The following SPTB variants were observed in gnomAD, a reference collection of about 807,000 sequenced individuals.
SPTB encodes spectrin beta, erythrocytic, also known as spectrin beta chain, erythrocytic.
Under a neutral mutation model 256.2 loss-of-function variants are expected in SPTB, and 45 were observed. That is an observed-to-expected ratio of 0.18 (90% confidence interval 0.14 to 0.23). The LOEUF (loss-of-function observed/expected upper bound fraction) is 0.23. Among genes scored for constraint, SPTB ranks in the 10% least tolerant of loss-of-function variants. The pLI, the probability that SPTB is intolerant of heterozygous loss-of-function variation, is 1.00. For missense variants in SPTB, 2,715 were observed against 3,040.4 expected (o/e 0.89, Z 2.52); for synonymous variants, 1,231 against 1,243.1 (o/e 0.99, Z 0.21).
rs754778995 is a variant in SPTB, at chr14:64,753,672, A to C, written c.6467T>G (p.Leu2156Arg). 6.2e-7 allele frequency: 1 copy of C among 1,613,692 alleles called. No homozygotes were observed. The highest frequency in any genetic ancestry group is 8.5e-7 in the Non-Finnish European group (1 of 1,180,014). The change falls in exon 33 of 36, where the codon CTA (leucine) becomes CGA (arginine). Residue 2156 changes from leucine (L) to arginine (R), a missense_variant. Physicochemically the swap from Leu to Arg is moderately radical, Grantham distance 102. Around this residue, in one of 4 missense-constraint regions of SPTB, gnomAD observed 2,239 missense variants for 2,384.4 expected, o/e 0.94. Coordinates refer to ENST00000644917, the MANE Select transcript of SPTB (RefSeq NM_001355436.2). The part of the protein sequence containing the change: ...RPTTEPLFKV[L>R]DTPLSEGDEP... ...ATCACCCTCGCTCAGAGGCGTATCT[A>C]GGACCTTAAAGAGGGGCTCCGTGGT... is the stretch of plus-strand genomic sequence containing the variant.
intron 2 of SPTB, among the ~76,000 whole-genome samples, chr14:64,814,555 G>A (rs8022259): frequency 0.053 from 8,042 of 152,096 alleles, 771 homozygotes; most frequent in African/African-American, 0.18. Flanking sequence ...TCCCACTGTC[G>A]CTCAGGCTGG....
rs370960231 is a variant in SPTB, at chr14:64,795,574, G to T, written c.1407C>A (p.Thr469=). ...AAKKKHEAIE[T]DTAAYEERVR... is the part of the protein sequence containing the mutation. The stretch of plus-strand genomic sequence containing the variant: ...CCCGCTCCTCGTAGGCAGCCGTGTC[G>T]GTCTCGATGGCCTCATGCTTCTTCT... Residue 469 remains threonine (T), a synonymous_variant, in exon 12 of 36, where the codon ACC becomes ACA. Coordinates refer to ENST00000644917, the MANE Select transcript of SPTB (RefSeq NM_001355436.2). The surrounding 1 kb of genome is among the most constrained non-coding windows in gnomAD (Gnocchi z 6.5). 1 of 1,614,096 alleles carries T rather than the reference G, an allele frequency of 6.2e-7. No individual in the cohort carries two copies.
chr14:64,877,081 AT>A (rs1303913262), intron 1 of SPTB, among the ~76,000 whole-genome samples: 1 of 151,798 alleles, frequency 6.6e-6, no homozygotes, highest in Non-Finnish European at 1.5e-5. Context: ...CCTCTGTCCT[AT>A]CACACTGTCC....
intron 2 of SPTB, among the ~76,000 whole-genome samples, chr14:64,810,629 G>A (rs976897221): frequency 3.3e-5 from 5 of 151,854 alleles, no homozygotes; most frequent in Admixed American, 1.3e-4. Flanking sequence ...GCAGTGAGCC[G>A]AGATCCCACC....
At position 64,841,930 on chromosome 14, in the gene SPTB, G is replaced by C. The variant is rs1425960777; in HGVS notation, c.-51-18785C>G. On this transcript the variant is annotated intron_variant, in intron 1 of 35. Transcript: ENST00000644917. The surrounding 1 kb of genome is among the most constrained non-coding windows in gnomAD (Gnocchi z 4.6). The stretch of plus-strand genomic sequence containing the variant: ...GCGCGGCAAATGTTATCTGGAAGCA[G>C]CCGGGACAAGAGCACCCCCAGTTCT... 6.6e-6 allele frequency among the ~76,000 whole-genome samples: 1 copy of C among 152,216 alleles called. No individual in the cohort carries two copies. The highest frequency in any genetic ancestry group is 2.4e-5 in the African/African-American group (1 of 41,458).
At position 64,787,134 on chromosome 14, in the gene SPTB, G is replaced by T; in HGVS notation, c.2831C>A (p.Ser944Ter). ...TRWQAFQTLVSERREAVDSAL... is the reference protein window; with the variant it reads ...TRWQAFQTLV ...TGAGTCCACAGCCTCCCGCCGCTCC[G>T]ACACCAGGGTCTGAAATGCCTGCCA... The change falls in exon 16 of 36, where the codon TCG (serine) becomes TAG (stop). Residue 944 changes from serine (S) to a stop codon, truncating the protein, a stop_gained. Coordinates refer to ENST00000644917, the MANE Select transcript of SPTB (RefSeq NM_001355436.2). LOFTEE classifies it high-confidence loss of function. 6.2e-7 allele frequency: 1 copy of T among 1,607,272 alleles called. No homozygotes were observed.
At chr14:64,797,198 T>G (rs1468957930) in intron 10 of SPTB, among the ~76,000 whole-genome samples, 1 of 151,784 alleles carries the variant, frequency 6.6e-6, no homozygotes, top group Non-Finnish European at 1.5e-5. Flanking sequence ...GGAGGCTGGG[T>G]GTGATGGCTC....
At chr14:64,842,136 G>T (rs1368971692) in intron 1 of SPTB, among the ~76,000 whole-genome samples, 1 of 152,280 alleles carries the variant, frequency 6.6e-6, no homozygotes, top group Non-Finnish European at 1.5e-5. Flanking sequence ...CCATTTCCAG[G>T]AAGGCGCGTG....
chr14:64,769,416 C>T (rs571293421), intron 28 of SPTB, among the ~76,000 whole-genome samples, 174 bp downstream of exon 28: 11 of 152,314 alleles, frequency 7.2e-5, no homozygotes, highest in South Asian at 2.1e-4. Flanking sequence ...GCAGGGAGTG[C>T]GCTTGCTGGG....
Position 64,759,559 on chromosome 14 carries a change from G to T in SPTB, c.6346-5766C>A, listed in dbSNP as rs1024520427. Among the ~76,000 whole-genome samples, 3 of 152,226 alleles carry T rather than the reference G, an allele frequency of 2.0e-5. No individual in the cohort carries two copies. In the East Asian group the frequency reaches 5.8e-4, roughly 29 times the overall value. On this transcript the variant is annotated intron_variant, in intron 32 of 35. Transcript: ENST00000644917. The surrounding 1 kb of genome is among the most constrained non-coding windows in gnomAD (Gnocchi z 4.8). ...TGGGGACTGCCTTACCCGACAGGAG[G>T]CGAGATCTATGGACAGAGAGCACCA... is the stretch of plus-strand genomic sequence containing the variant.
intron 24 of SPTB, 61 bp from the exon 25 acceptor site, chr14:64,773,485 C>T (rs1337842955): frequency 8.9e-6 from 14 of 1,571,204 alleles, no homozygotes; most frequent in Middle Eastern, 2.0e-4. Context: ...AGCCGTGGCT[C>T]CAGGGAGCCA....
chr14:64,767,632 C>A (rs930696061), intron 30 of SPTB, 31 bp downstream of exon 30: 2 of 1,612,608 alleles, frequency 1.2e-6, no homozygotes, highest in African/African-American at 1.3e-5. Context: ...TTGCCACCCT[C>A]CTGAGCCTCC....
In SPTB at chr14:64,799,885, C is replaced by T. The variant is rs1434727098; in HGVS notation, c.926G>A (p.Gly309Glu). Residue 309 changes from glycine to glutamate, a missense_variant, in exon 9 of 36, where the codon GGG becomes GAG. This residue lies in a region of SPTB where 416 missense variants were observed against 571.1 expected (regional missense o/e 0.73). Transcript: ENST00000644917. ...ETEKMIEKYS[G>E]LASDLLTWIE... ...CCAGGTGAGCAGGTCCGAGGCTAGC[C>T]CGCTGTACTTTTCAATCATCTTCTC... The T allele has an allele frequency of 6.2e-7, 1 of 1,614,212 alleles. No homozygotes were observed. The highest frequency in any genetic ancestry group is 1.3e-5 in the African/African-American group (1 of 75,062).
chr14:64,825,073 C>G lies in SPTB; in HGVS notation c.-51-1928G>C, dbSNP rs1187520839. Among the ~76,000 whole-genome samples the G allele has an allele frequency of 6.6e-6, 1 of 152,000 alleles. No homozygotes were observed. On this transcript the variant is annotated intron_variant, in intron 1 of 35. Transcript: ENST00000644917. The surrounding 1 kb of genome is among the most constrained non-coding windows in gnomAD (Gnocchi z 4.8). ...TTCAGGAGGGCAGGTGGGGAAAGGA[C>G]TGGAGCACAGTTTATCCCCCTTGAT... is the stretch of plus-strand genomic sequence containing the variant.
intron 1 of SPTB, among the ~76,000 whole-genome samples, chr14:64,864,053 T>G (rs1293895975): frequency 6.6e-6 from 1 of 152,218 alleles, no homozygotes; most frequent in African/African-American, 2.4e-5. Flanking sequence ...TCTCATATTA[T>G]TACTTTGGCA....
intron 2 of SPTB, among the ~76,000 whole-genome samples, chr14:64,820,756 C>T (rs1239221126): frequency 1.3e-5 from 2 of 152,100 alleles, no homozygotes; most frequent in African/African-American, 2.4e-5. Context: ...CTGCAACCTC[C>T]GCCTCCCGGG....
chr14:64,799,575 T>G (rs2139620271), intron 9 of SPTB, among the ~76,000 whole-genome samples, 172 bp downstream of exon 9: 1 of 152,340 alleles, frequency 6.6e-6, no homozygotes, highest in South Asian at 2.1e-4. Flanking sequence ...AGCTGATGGC[T>G]TGGGAGAAGA....
At chr14:64,794,815 A>G (rs1490791499) in intron 12 of SPTB, among the ~76,000 whole-genome samples, 198 bp from the exon 13 acceptor site, 1 of 152,242 alleles carries the variant, frequency 6.6e-6, no homozygotes, top group East Asian at 1.9e-4. Flanking sequence ...AGCATCATCC[A>G]TAGAACATCT....
rs1041993033 is a variant in SPTB at position 64,747,361 on chromosome 14, G to A, written c.*1945C>T. ...CACCAAAGGCCTACTTTATTGCTAG[G>A]TGAGTGCAGTCACCTCACTGCCTTG... On this transcript the variant is annotated 3_prime_UTR_variant, in exon 36 of 36. Transcript: ENST00000644917. 1 of 152,692 alleles carries A rather than the reference G, an allele frequency of 6.5e-6. No homozygotes were observed. Among genetic ancestry groups the A allele is most frequent in the African/African-American group, 2.4e-5 (1 of 41,456 alleles). 9.5% of individuals were successfully genotyped at this position (152,692 alleles called of 1,614,324 possible).
Sources: gnomAD v4.1 joint callset for allele counts (sites outside exome capture counted in the v4.1 genomes callset) on GRCh38, gnomAD v4.1.1 for gene constraint, gnomAD v4.1.1 regional missense constraint, Gnocchi (gnomAD v3.1) non-coding constraint, MANE v1.5 for transcripts, NCBI Gene and HGNC (gene_info 2026-07-23, HGNC 2026-07-21) for gene names.